Variants in ITFG1 observed in about 807,000 individuals in gnomAD.
ITFG1 encodes T-cell immunomodulatory protein.
In ITFG1, 34 loss-of-function variants were observed where a neutral mutation model predicts 81.8. The ratio of observed to expected loss-of-function variants is 0.42; its 90% CI spans 0.32 to 0.55. The LOEUF (loss-of-function observed/expected upper bound fraction) is 0.55, where lower values mean the gene tolerates loss of function less well. Ranked by LOEUF, ITFG1 falls within the 20% of genes least tolerant of loss-of-function variation. The pLI is 0.17. For synonymous variants in ITFG1, 285 were observed against 270.6 expected (o/e 1.05, Z -0.52); for missense variants, 672 against 755.4 (o/e 0.89, Z 1.29).
intron 5 of ITFG1, among the ~76,000 whole-genome samples, chr16:47,431,240 C>A (rs1038147337): frequency 1.3e-5 from 2 of 152,176 alleles, no homozygotes; most frequent in Non-Finnish European, 2.9e-5. Context: ...CACTACAGGT[C>A]CATGGCTTTT....
chr16:47,298,019 T>C (rs942984702), intron 10 of ITFG1, among the ~76,000 whole-genome samples: 2 of 152,172 alleles, frequency 1.3e-5, no homozygotes, highest in African/African-American at 4.8e-5. Context: ...CTTTGTTCAT[T>C]TTTTTCTTTT....
chr16:47,214,049 C>A (rs1048212124), intron 14 of ITFG1, among the ~76,000 whole-genome samples: 1 of 152,160 alleles, frequency 6.6e-6, no homozygotes, highest in Admixed American at 6.5e-5. Flanking sequence ...GAGCCCTTAA[C>A]TGTGGGATAT....
At chr16:47,244,358 A>T (rs1433028363) in intron 12 of ITFG1, among the ~76,000 whole-genome samples, 1 of 152,138 alleles carries the variant, frequency 6.6e-6, no homozygotes, top group African/African-American at 2.4e-5. Context: ...AATGTGGGGC[A>T]ATCTTGAGGG....
rs113515777 is a variant in ITFG1 at position 47,442,414 on chromosome 16, C to G, written c.560+8982G>C. 5.4e-4 allele frequency among the ~76,000 whole-genome samples: 82 copies of G among 151,908 alleles called. 2 individuals are homozygous for G. Among genetic ancestry groups the G allele is most frequent in the African/African-American group, 1.8e-3 (76 of 41,444 alleles). On this transcript the variant is annotated intron_variant, in intron 5 of 17. Coordinates refer to ENST00000320640, the MANE Select transcript of ITFG1 (RefSeq NM_030790.5). ...AAAGAGCCCGCCTTGCCAAGTCATA[C>G]AGAACCAAAAAAGAGCCCGCATTGC...
At chr16:47,422,685 T>G (rs1403263626) in intron 6 of ITFG1, among the ~76,000 whole-genome samples, 1 of 152,210 alleles carries the variant, frequency 6.6e-6, no homozygotes, top group African/African-American at 2.4e-5. Context: ...TATCGGTCTA[T>G]TCAGAGATTC....
intron 10 of ITFG1, among the ~76,000 whole-genome samples, chr16:47,306,778 C>T (rs1032534720): frequency 5.9e-5 from 9 of 151,750 alleles, no homozygotes; most frequent in African/African-American, 2.2e-4. Flanking sequence ...CTAACAAAAA[C>T]ACAGACATGA....
At chr16:47,414,315 G>C (rs1357311884) in intron 6 of ITFG1, among the ~76,000 whole-genome samples, 2 of 151,452 alleles carry the variant, frequency 1.3e-5, no homozygotes, top group African/African-American at 4.8e-5. Flanking sequence ...CTTGAGGTCA[G>C]GAGTTCAAGA....
intron 14 of ITFG1, among the ~76,000 whole-genome samples, chr16:47,184,900 C>A (rs1461877082): frequency 1.3e-5 from 2 of 151,938 alleles, no homozygotes; most frequent in Non-Finnish European, 2.9e-5. Flanking sequence ...CGTGCAGAGA[C>A]ACACATAGGC....
chr16:47,207,221 T>C (rs1299309973), intron 14 of ITFG1, among the ~76,000 whole-genome samples: 1 of 152,196 alleles, frequency 6.6e-6, no homozygotes, highest in Non-Finnish European at 1.5e-5. Flanking sequence ...TAGCTGGGGC[T>C]ACAGGCGCCT....
chr16:47,366,707 T>C (rs990588729), intron 7 of ITFG1, among the ~76,000 whole-genome samples: 4 of 152,236 alleles, frequency 2.6e-5, no homozygotes, highest in South Asian at 2.1e-4. Context: ...CTCTATTTTC[T>C]GTTTGAGATA....
intron 6 of ITFG1, among the ~76,000 whole-genome samples, chr16:47,402,165 A>C (rs187249446): frequency 1.3e-5 from 2 of 152,294 alleles, no homozygotes; most frequent in East Asian, 3.9e-4. Flanking sequence ...AAACTCACCG[A>C]ATCTTTATAT....
intron 13 of ITFG1, among the ~76,000 whole-genome samples, chr16:47,235,260 G>T (rs918610555): frequency 1.3e-5 from 2 of 149,934 alleles, no homozygotes; most frequent in Admixed American, 7.0e-5. Context: ...CTTTATAGGA[G>T]TTAAAGGTAC....
intron 1 of ITFG1, among the ~76,000 whole-genome samples, 174 bp from the exon 2 acceptor site, chr16:47,459,349 A>G (rs1228874872): frequency 6.6e-6 from 1 of 152,244 alleles, no homozygotes; most frequent in Non-Finnish European, 1.5e-5. Context: ...CTAACATTAT[A>G]TCACAAGTTC....
chr16:47,269,194 G>A (rs1051752102), intron 10 of ITFG1, among the ~76,000 whole-genome samples: 4 of 152,080 alleles, frequency 2.6e-5, no homozygotes. Flanking sequence ...AAGGACATCC[G>A]GATTGGAAAG....
intron 6 of ITFG1, among the ~76,000 whole-genome samples, chr16:47,410,094 T>C (rs1001557665): frequency 6.6e-6 from 1 of 152,094 alleles, no homozygotes. Flanking sequence ...GCCAACATAG[T>C]GAGGCCTCGT....
At chr16:47,303,991 C>A (rs1192615896) in intron 10 of ITFG1, among the ~76,000 whole-genome samples, 4 of 151,894 alleles carry the variant, frequency 2.6e-5, no homozygotes, top group African/African-American at 7.3e-5. Context: ...TTAGTCTGAT[C>A]GGACTAAGTC....
intron 8 of ITFG1, among the ~76,000 whole-genome samples, chr16:47,315,099 T>C (rs1596886356): frequency 1.3e-5 from 2 of 152,120 alleles, no homozygotes; most frequent in South Asian, 4.1e-4. Context: ...AGGATCCTCA[T>C]GATTAATAAC....
chr16:47,383,866 T>C (rs1968426463), intron 6 of ITFG1, among the ~76,000 whole-genome samples: 1 of 152,218 alleles, frequency 6.6e-6, no homozygotes, highest in Non-Finnish European at 1.5e-5. Context: ...ATCGTGCCAT[T>C]GCACTCCAAC....
In ITFG1 at chr16:47,341,629, TAAAG is replaced by T. The variant is rs531323227; in HGVS notation, c.802+24155_802+24158del. ...AGAAAACAATAAAACTAGAGAAAGA[TAAAG>T]AAAACGGGATAGACAGACCATTAGA... On this transcript the variant is annotated intron_variant, in intron 8 of 17. Transcript: ENST00000320640. Among the ~76,000 whole-genome samples the T allele has an allele frequency of 2.6e-3, 397 of 151,658 alleles. 4 individuals carry two copies. The highest frequency in any genetic ancestry group is 3.6e-3 in the Admixed American group (55 of 15,222).
Sources: gnomAD v4.1 joint callset for allele counts (sites outside exome capture counted in the v4.1 genomes callset) on GRCh38, gnomAD v4.1.1 for gene constraint, MANE v1.5 for transcripts, NCBI Gene and HGNC (gene_info 2026-07-23, HGNC 2026-07-21) for gene names.